Variants in AATF observed in about 807,000 individuals in gnomAD.
AATF encodes protein AATF.
In AATF, 48 loss-of-function variants were observed where a neutral mutation model predicts 63.7. That is an observed-to-expected ratio of 0.75 (90% CI 0.60 to 0.96). The LOEUF is 0.96. Among genes scored for constraint, AATF ranks in the 40% least tolerant of loss-of-function variants. The probability of loss-of-function intolerance (pLI) is 0.00; values close to 1 mark genes in which losing one functional copy is unlikely to be tolerated. For missense variants in AATF, 639 were observed against 685.7 expected, an observed-to-expected ratio of 0.93 and a Z score of 0.76; for synonymous variants, 258 against 247.7, an observed-to-expected ratio of 1.04 and a Z score of -0.39.
intron 8 of AATF, among the ~76,000 whole-genome samples, chr17:36,993,996 C>T (rs1416967715): frequency 6.6e-6 from 1 of 151,990 alleles, no homozygotes; most frequent in Non-Finnish European, 1.5e-5. Context: ...AATAAAGGTA[C>T]ATGTATATAT....
intron 10 of AATF, among the ~76,000 whole-genome samples, chr17:37,027,659 ATAT>A (rs1340450724): frequency 4.6e-5 from 7 of 152,230 alleles, no homozygotes; most frequent in Non-Finnish European, 1.0e-4. Flanking sequence ...ATATATAAAA[ATAT>A]TATTTCAACA....
chr17:37,005,112 A>G (rs2142268754), intron 8 of AATF, among the ~76,000 whole-genome samples: 1 of 152,010 alleles, frequency 6.6e-6, no homozygotes, highest in Middle Eastern at 3.4e-3. Flanking sequence ...ATATTTTGCT[A>G]CAGAAATTTT....
intron 11 of AATF, among the ~76,000 whole-genome samples, chr17:37,034,088 C>G (rs1417120192): frequency 1.3e-5 from 2 of 152,138 alleles, no homozygotes; most frequent in African/African-American, 4.8e-5. Context: ...TGTTCTCCAG[C>G]TGGTTTAGCT....
intron 10 of AATF, among the ~76,000 whole-genome samples, chr17:37,028,950 TGA>T (rs886483920): frequency 2.7e-5 from 4 of 150,754 alleles, no homozygotes; most frequent in African/African-American, 7.4e-5. Flanking sequence ...CAAAATTGTG[TGA>T]ATATATATAT....
chr17:36,977,192 A>G (rs1355419888), intron 4 of AATF, among the ~76,000 whole-genome samples: 3 of 152,200 alleles, frequency 2.0e-5, no homozygotes, highest in Admixed American at 6.5e-5. Context: ...TGAAGAAAAC[A>G]TTTGTAGCAT....
chr17:36,949,177 C>G lies in AATF; in HGVS notation c.52C>G (p.Arg18Gly), dbSNP rs1314896570. ...ALQLEQLLNP[R>G]PSEADPEADP... ...GCAACTGGAACAGTTGTTGAACCCG[C>G]GACCAAGCGAGGCGGACCCTGAAGC... Residue 18 changes from arginine (R) to glycine (G), a missense_variant, in exon 1 of 12, where the codon CGA becomes GGA. Arg to Gly is a moderately radical substitution (Grantham distance 125). Coordinates refer to ENST00000619387, the MANE Select transcript of AATF (RefSeq NM_012138.4). The G allele has an allele frequency of 6.3e-7, 1 of 1,593,406 alleles. No individual in the cohort carries two copies. The highest frequency in any genetic ancestry group is 8.5e-7 in the Non-Finnish European group (1 of 1,171,682).
intron 4 of AATF, among the ~76,000 whole-genome samples, chr17:36,975,178 A>G (rs1375866002): frequency 6.6e-6 from 1 of 152,196 alleles, no homozygotes; most frequent in Non-Finnish European, 1.5e-5. Context: ...GTGTCAATAT[A>G]AACTTTTTTC....
intron 11 of AATF, among the ~76,000 whole-genome samples, chr17:37,041,758 G>A (rs988824596): frequency 4.6e-5 from 7 of 152,194 alleles, no homozygotes; most frequent in African/African-American, 1.4e-4. Flanking sequence ...ACCCACCTCA[G>A]CCTCCCAGAG....
At chr17:36,949,324 T>G in intron 1 of AATF, 108 bp downstream of exon 1, 1 of 1,093,742 alleles carries the variant, frequency 9.1e-7, no homozygotes, top group Non-Finnish European at 1.3e-6. Context: ...CTGCGCTCCT[T>G]CGCTTGGCGC....
Position 36,953,774 on chromosome 17 carries a change from G to A in AATF, c.699G>A (p.Leu233=), listed in dbSNP as rs368789503. The change falls in exon 4 of 12, where the codon CTG becomes CTA. Residue 233 remains leucine, a synonymous_variant. Coordinates refer to ENST00000619387, the MANE Select transcript of AATF (RefSeq NM_012138.4). ...ATTCTCTTTTCTTCTTTTCAGCACT[G>A]TGGGACCAGCTCTTGGAAGGAAGGA... ...KGRAVKNQIA[L]WDQLLEGRIK... is the part of the protein sequence containing the mutation. 6.2e-7 allele frequency: 1 copy of A among 1,613,564 alleles called. No individual in the cohort carries two copies. The highest frequency in any genetic ancestry group is 1.7e-5 in the Admixed American group (1 of 59,870).
intron 2 of AATF, among the ~76,000 whole-genome samples, chr17:36,952,069 G>C (rs2070859605): frequency 6.6e-6 from 1 of 152,224 alleles, no homozygotes; most frequent in Non-Finnish European, 1.5e-5. Flanking sequence ...ATCAAGTTCA[G>C]AGTCCTCATG....
intron 11 of AATF, among the ~76,000 whole-genome samples, chr17:37,040,902 T>C (rs1356624384): frequency 6.6e-6 from 1 of 152,224 alleles, no homozygotes; most frequent in Non-Finnish European, 1.5e-5. Context: ...CATAATTAGC[T>C]TTGAATCCTG....
At chr17:37,012,261 G>A (rs2071397910) in intron 8 of AATF, among the ~76,000 whole-genome samples, 1 of 152,040 alleles carries the variant, frequency 6.6e-6, no homozygotes, top group South Asian at 2.1e-4. Flanking sequence ...CGCCATCTTG[G>A]CCAGGCTGGT....
chr17:37,015,308 A>G (rs935197474), intron 8 of AATF, among the ~76,000 whole-genome samples: 2 of 152,204 alleles, frequency 1.3e-5, no homozygotes, highest in African/African-American at 2.4e-5. Context: ...TTGTGCTGCT[A>G]TAGTAAAATA....
intron 11 of AATF, among the ~76,000 whole-genome samples, chr17:37,031,943 G>A (rs952661738): frequency 1.3e-5 from 2 of 152,174 alleles, no homozygotes; most frequent in African/African-American, 4.8e-5. Flanking sequence ...CCTGGGACAT[G>A]TGAGCTCTCT....
intron 10 of AATF, 90 bp downstream of exon 10, chr17:37,021,104 T>C (rs2142289163): frequency 1.1e-6 from 1 of 913,440 alleles, no homozygotes; most frequent in Middle Eastern, 2.5e-4. Flanking sequence ...TTCTTTTTCT[T>C]CTGATGATTC....
intron 8 of AATF, among the ~76,000 whole-genome samples, chr17:37,007,991 C>A (rs1195671928): frequency 1.3e-5 from 2 of 152,130 alleles, no homozygotes; most frequent in Non-Finnish European, 2.9e-5. Context: ...TATGACTTAC[C>A]ATTTTTGCGG....
chr17:37,046,730 A>AAC (rs58296683), intron 11 of AATF, among the ~76,000 whole-genome samples: 34,506 of 139,866 alleles, frequency 0.25, 4,535 homozygotes, highest in Middle Eastern at 0.37. Flanking sequence ...GTGCTCCCCC[A>AAC]ACACACACAC....
At position 36,949,002 on chromosome 17, in the gene AATF, G is replaced by T. The variant is rs1383525956; in HGVS notation, c.-124G>T. 3 of 919,906 alleles carry T rather than the reference G, an allele frequency of 3.3e-6. No homozygotes were observed. The highest frequency in any genetic ancestry group is 3.2e-5 in the South Asian group (2 of 62,124). The allele number at this position is 919,906 out of a possible 1,614,324, so 57.0% of individuals were successfully genotyped here. A position where few individuals can be genotyped will look rare whatever the true frequency, so the allele number is the denominator to read the frequency against. On this transcript the variant is annotated 5_prime_UTR_variant, in exon 1 of 12. Coordinates refer to ENST00000619387, the MANE Select transcript of AATF (RefSeq NM_012138.4). ...CAGAGCTGTGGGGTGGCCTCCGCGC[G>T]GTCTCTGGCGGAGTCGGGGAATCGG...
Sources: allele counts gnomAD v4.1 joint callset (sites outside exome capture counted in the v4.1 genomes callset), GRCh38; gene constraint gnomAD v4.1.1; transcripts MANE v1.5; gene names NCBI Gene and HGNC (gene_info 2026-07-23, HGNC 2026-07-21).